TNIK: variants seen among roughly 807,000 people sequenced by gnomAD.
TNIK encodes TRAF2 and NCK interacting kinase.
Under a neutral mutation model 191.3 loss-of-function variants are expected in TNIK, and 49 were observed. The ratio of observed to expected loss-of-function variants is 0.26; its 90% CI spans 0.20 to 0.32. The LOEUF (loss-of-function observed/expected upper bound fraction) is 0.32, where lower values mean the gene tolerates loss of function less well. TNIK is among the 10% of genes least tolerant of loss of function. The pLI is 1.00. For missense variants in TNIK, 1,155 were observed against 1,702.3 expected, an observed-to-expected ratio of 0.68 and a Z score of 5.66; for synonymous variants, 594 against 600.9, an observed-to-expected ratio of 0.99 and a Z score of 0.17.
chr3:171,348,138 G>C (rs1712561519), intron 2 of TNIK, among the ~76,000 whole-genome samples: 1 of 151,970 alleles, frequency 6.6e-6, no homozygotes, highest in Admixed American at 6.6e-5. Context: ...AAGTTTAAAA[G>C]GAAAAAAAGA....
intron 1 of TNIK, among the ~76,000 whole-genome samples, chr3:171,428,336 G>A (rs984634367): frequency 3.3e-5 from 5 of 152,176 alleles, no homozygotes; most frequent in African/African-American, 1.2e-4. Flanking sequence ...TGCAGAGAAA[G>A]AGAGGAGTCA....
At chr3:171,357,289 ATT>A (rs113929884) in intron 2 of TNIK, among the ~76,000 whole-genome samples, 8 of 143,894 alleles carry the variant, frequency 5.6e-5, no homozygotes, top group Admixed American at 7.0e-5. Context: ...ACTCAGCAGA[ATT>A]TTTTTTTTTT....
intron 12 of TNIK, among the ~76,000 whole-genome samples, chr3:171,152,865 G>A (rs183352510): frequency 1.8e-3 from 276 of 151,476 alleles, no homozygotes; most frequent in African/African-American, 2.3e-3. Flanking sequence ...TCCGCCTCCC[G>A]GGTTCATGCC....
rs142139034 is a variant in TNIK at position 171,306,229 on chromosome 3, G to A, written c.123+63391C>T. On this transcript the variant is annotated intron_variant, in intron 2 of 32. Transcript: ENST00000436636. ...GCCTACTTGAGGGAGGAGGTTAGGA[G>A]GAGGGAGAAGTTCAGAAAAAAAATC... 1.3e-3 allele frequency among the ~76,000 whole-genome samples: 194 copies of A among 152,222 alleles called. 1 individual carries two copies. The highest frequency in any genetic ancestry group is 4.6e-3 in the African/African-American group (189 of 41,532).
At chr3:171,459,131 G>GT (rs1175909191) in intron 1 of TNIK, among the ~76,000 whole-genome samples, 3 of 151,974 alleles carry the variant, frequency 2.0e-5, no homozygotes, top group Non-Finnish European at 4.4e-5. Context: ...GGCGTCTGAG[G>GT]TAATTCACGT....
intron 1 of TNIK, among the ~76,000 whole-genome samples, chr3:171,370,591 C>T (rs1716350418): frequency 6.6e-6 from 1 of 152,126 alleles, no homozygotes. Flanking sequence ...ACTTAAATGT[C>T]TACAGAGGCC....
In TNIK at chr3:171,157,472, C is replaced by T; in HGVS notation, c.1209G>A (p.Arg403=). 2.6e-6 allele frequency: 4 copies of T among 1,565,008 alleles called. No homozygotes were observed. The South Asian group carries it at 3.5e-5, about 14-fold the overall frequency. ...AGCAGGTCCTCACCTCCTCCAGCCG[C>T]CGCCTCTGCTCTTTCTGCTCCTCGA... is the stretch of plus-strand genomic sequence containing the variant. ...KRIEEQKEQR[R]RLEEQQRREK... The change falls in exon 12 of 33, where the codon CGG becomes CGA. Residue 403 remains arginine, a synonymous_variant. Transcript: ENST00000436636.
At chr3:171,370,986 G>C (rs1268865402) in intron 1 of TNIK, among the ~76,000 whole-genome samples, 1 of 152,098 alleles carries the variant, frequency 6.6e-6, no homozygotes, top group Non-Finnish European at 1.5e-5. Context: ...CTGAACTTCA[G>C]ATTCAGAGAG....
intron 1 of TNIK, among the ~76,000 whole-genome samples, chr3:171,373,494 A>G (rs776696147): frequency 1.3e-4 from 20 of 152,144 alleles, no homozygotes; most frequent in Admixed American, 9.8e-4. Context: ...TTCACACAAC[A>G]GGCTTCATCA....
At position 171,167,231 on chromosome 3, in the gene TNIK, T is replaced by C; in HGVS notation, c.813A>G (p.Val271=). 6.2e-7 allele frequency: 1 copy of C among 1,613,978 alleles called. No homozygotes were observed. Among genetic ancestry groups the C allele is most frequent in the Non-Finnish European group, 8.5e-7 (1 of 1,179,864 alleles). The part of the protein sequence containing the change: ...KFQSFIESCL[V]KNHSQRPATE... ...TTGCTGGTCGCTGGCTGTGATTCTT[T>C]ACCAAGCAGCTCTCAATAAATGACT... The change falls in exon 10 of 33, where the codon GTA becomes GTG. Residue 271 remains valine (V), a synonymous_variant. Transcript: ENST00000436636.
chr3:171,072,762 A>G (rs907025767), intron 28 of TNIK, among the ~76,000 whole-genome samples: 1 of 151,996 alleles, frequency 6.6e-6, no homozygotes, highest in African/African-American at 2.4e-5. Flanking sequence ...AGTTACATCA[A>G]TAATGCTCAA....
At chr3:171,444,428 T>G (rs551486807) in intron 1 of TNIK, among the ~76,000 whole-genome samples, 4 of 152,220 alleles carry the variant, frequency 2.6e-5, no homozygotes, top group Non-Finnish European at 5.9e-5. Context: ...GATTCTTTCT[T>G]TCAGTTTCCA....
chr3:171,347,152 A>G (rs151005311), intron 2 of TNIK: 28 of 1,517,548 alleles, frequency 1.8e-5, no homozygotes, highest in Non-Finnish European at 2.5e-5. Flanking sequence ...TCAGGAGATG[A>G]TGTCATGGGT....
At chr3:171,205,564 A>AT (rs1739952033) in intron 4 of TNIK, among the ~76,000 whole-genome samples, 8 of 152,322 alleles carry the variant, frequency 5.3e-5, no homozygotes, top group Admixed American at 4.6e-4. Context: ...CACTACTTGC[A>AT]GATCCCCCCT....
At chr3:171,416,536 G>C (rs1723111560) in intron 1 of TNIK, among the ~76,000 whole-genome samples, 1 of 152,006 alleles carries the variant, frequency 6.6e-6, no homozygotes, top group Non-Finnish European at 1.5e-5. Context: ...GGATGGCATA[G>C]TTTACAAAAG....
chr3:171,289,058 A>G (rs1254732509), intron 2 of TNIK, among the ~76,000 whole-genome samples: 1 of 152,216 alleles, frequency 6.6e-6, no homozygotes, highest in Non-Finnish European at 1.5e-5. Flanking sequence ...TCTCATTCTA[A>G]GCACACTTCC....
At chr3:171,308,478 T>C (rs994447859) in intron 2 of TNIK, among the ~76,000 whole-genome samples, 2 of 152,038 alleles carry the variant, frequency 1.3e-5, no homozygotes, top group African/African-American at 4.8e-5. Context: ...ACCCAGGAAA[T>C]ACCATTCTAG....
At chr3:171,114,372 T>C (rs1177483228) in intron 18 of TNIK, among the ~76,000 whole-genome samples, 1 of 152,246 alleles carries the variant, frequency 6.6e-6, no homozygotes, top group African/African-American at 2.4e-5. Flanking sequence ...TGTACTGTGT[T>C]GGATGTTAGA....
At chr3:171,374,828 G>A (rs73046876) in intron 1 of TNIK, among the ~76,000 whole-genome samples, 2,365 of 152,264 alleles carry the variant, frequency 0.016, 64 homozygotes, top group African/African-American at 0.054. Flanking sequence ...ACGATTCTAA[G>A]CATTTTTCAT....
Sources: gnomAD v4.1 joint callset for allele counts (sites outside exome capture counted in the v4.1 genomes callset) on GRCh38, gnomAD v4.1.1 for gene constraint, MANE v1.5 for transcripts, NCBI Gene and HGNC (gene_info 2026-07-23, HGNC 2026-07-21) for gene names.